Variants in ASTN1 observed in about 807,000 individuals in gnomAD.
ASTN1 encodes the protein astrotactin-1.
In ASTN1, 41 loss-of-function variants were observed where a neutral mutation model predicts 140.7. That is an observed-to-expected ratio of 0.29 (90% CI 0.23 to 0.38). ASTN1 has a LOEUF of 0.38. Ranked by LOEUF, ASTN1 falls within the 10% of genes least tolerant of loss-of-function variation. The pLI is 1.00. For missense variants in ASTN1, 1,479 were observed against 1,678.8 expected (o/e 0.88, Z 2.08); for synonymous variants, 640 against 652.2 (o/e 0.98, Z 0.29).
At chr1:176,974,864 T>A (rs1673296546) in intron 8 of ASTN1, among the ~76,000 whole-genome samples, 1 of 152,184 alleles carries the variant, frequency 6.6e-6, no homozygotes, top group African/African-American at 2.4e-5. Context: ...ACACTTGAAC[T>A]TTTTGTCATC....
At chr1:176,989,921 T>A (rs1405991961) in intron 8 of ASTN1, among the ~76,000 whole-genome samples, 1 of 151,932 alleles carries the variant, frequency 6.6e-6, no homozygotes, top group Non-Finnish European at 1.5e-5. Flanking sequence ...AGACTACTAC[T>A]CTTGTCCGCC....
intron 16 of ASTN1, among the ~76,000 whole-genome samples, chr1:176,914,809 C>T (rs537943866): frequency 6.6e-6 from 1 of 152,130 alleles, no homozygotes; most frequent in Non-Finnish European, 1.5e-5. Context: ...GAATGAGGGA[C>T]AATCCAGGGG....
intron 2 of ASTN1, among the ~76,000 whole-genome samples, chr1:177,050,696 G>C (rs1558059420): frequency 2.0e-5 from 3 of 152,124 alleles, no homozygotes; most frequent in Admixed American, 6.5e-5. Context: ...AATTTTATAA[G>C]GCAAGGCTAA....
intron 8 of ASTN1, among the ~76,000 whole-genome samples, chr1:176,990,446 G>A (rs228005): frequency 0.94 from 142,580 of 151,912 alleles, 67,033 homozygotes; most frequent in African/African-American, 0.98. Context: ...GGTACTAGAG[G>A]AAGACAAGGA....
At chr1:177,039,862 A>G (rs1676890616) in intron 2 of ASTN1, among the ~76,000 whole-genome samples, 1 of 152,206 alleles carries the variant, frequency 6.6e-6, no homozygotes, top group Non-Finnish European at 1.5e-5. Flanking sequence ...GTCACAAACC[A>G]CAGACCAAGG....
intron 12 of ASTN1, among the ~76,000 whole-genome samples, chr1:176,946,851 T>C (rs1671980386): frequency 6.6e-6 from 1 of 152,202 alleles, no homozygotes; most frequent in Non-Finnish European, 1.5e-5. Flanking sequence ...TCATAAGTCA[T>C]TAATTGGACC....
intron 1 of ASTN1, among the ~76,000 whole-genome samples, chr1:177,120,776 T>C (rs1245854881): frequency 6.6e-6 from 1 of 152,194 alleles, no homozygotes; most frequent in African/African-American, 2.4e-5. Context: ...GGAAGATATC[T>C]AGGCACTGAG....
intron 1 of ASTN1, among the ~76,000 whole-genome samples, chr1:177,129,467 CACTGTCA>C (rs2102199203): frequency 6.6e-6 from 1 of 152,294 alleles, no homozygotes; most frequent in Admixed American, 6.5e-5. Flanking sequence ...GATCTAGAAG[CACTGTCA>C]ACTCAAATCT....
At chr1:177,151,700 A>G (rs891712194) in intron 1 of ASTN1, among the ~76,000 whole-genome samples, 1 of 152,172 alleles carries the variant, frequency 6.6e-6, no homozygotes, top group African/African-American at 2.4e-5. Context: ...ATTCCAGAAA[A>G]GAAAAAGTTC....
intron 22 of ASTN1, 155 bp downstream of exon 22, chr1:176,868,689 G>T: frequency 1.4e-6 from 1 of 715,468 alleles, no homozygotes; most frequent in East Asian, 3.1e-5. Context: ...AAACTAATCT[G>T]CATGGACTGA....
chr1:176,912,443 T>G (rs1047196907), intron 16 of ASTN1, among the ~76,000 whole-genome samples: 1 of 152,196 alleles, frequency 6.6e-6, no homozygotes, highest in Non-Finnish European at 1.5e-5. Context: ...TTTAAAAAGG[T>G]AGAACCCATT....
intron 21 of ASTN1, among the ~76,000 whole-genome samples, chr1:176,871,245 T>C (rs1668330209): frequency 6.6e-6 from 1 of 152,000 alleles, no homozygotes. Context: ...AAGGGACTCT[T>C]CTAAGAGCTG....
chr1:176,897,295 A>G (rs1362316693), intron 16 of ASTN1, among the ~76,000 whole-genome samples: 3 of 151,658 alleles, frequency 2.0e-5, no homozygotes, highest in African/African-American at 7.3e-5. Flanking sequence ...AAAAAAAAAA[A>G]AAGGCAGTAA....
chr1:177,030,087 A>G (rs1313552702), intron 4 of ASTN1, among the ~76,000 whole-genome samples: 2 of 152,214 alleles, frequency 1.3e-5, no homozygotes, highest in African/African-American at 4.8e-5. Context: ...ATATGAGACT[A>G]TCTAAGAGGT....
chr1:176,936,139 T>C, intron 15 of ASTN1, 127 bp downstream of exon 15: 1 of 796,016 alleles, frequency 1.3e-6, no homozygotes, highest in East Asian at 2.6e-5. Context: ...AGTAAATAGC[T>C]CACACATCTC....
intron 9 of ASTN1, among the ~76,000 whole-genome samples, chr1:176,961,897 G>A (rs1672680858): frequency 6.6e-6 from 1 of 152,140 alleles, no homozygotes; most frequent in South Asian, 2.1e-4. Context: ...GCAGTTGATG[G>A]CTCAGCTGTG....
chr1:177,018,345 A>T (rs1463253998), intron 7 of ASTN1, among the ~76,000 whole-genome samples: 1 of 152,178 alleles, frequency 6.6e-6, no homozygotes, highest in Non-Finnish European at 1.5e-5. Flanking sequence ...CAAACCAACC[A>T]ATCAGCCAAC....
chr1:177,112,185 C>T (rs11581207), intron 1 of ASTN1, among the ~76,000 whole-genome samples: 8,572 of 152,278 alleles, frequency 0.056, 271 homozygotes, highest in Admixed American at 0.066. Context: ...ATTGCTCTGG[C>T]TACTGTTGGG....
chr1:177,041,256 C>A (rs567778597), intron 2 of ASTN1, among the ~76,000 whole-genome samples: 1 of 152,204 alleles, frequency 6.6e-6, no homozygotes, highest in East Asian at 1.9e-4. Flanking sequence ...TGGATGTAGA[C>A]GTAATAATTT....
Sources: gnomAD v4.1 joint callset for allele counts (sites outside exome capture counted in the v4.1 genomes callset) on GRCh38, gnomAD v4.1.1 for gene constraint, MANE v1.5 for transcripts, NCBI Gene and HGNC (gene_info 2026-07-23, HGNC 2026-07-21) for gene names.